IL10RB: variants seen among roughly 807,000 people sequenced by gnomAD.
IL10RB encodes the protein interleukin-10 receptor subunit beta.
Under a neutral mutation model 38.7 loss-of-function variants are expected in IL10RB, and 30 were observed. That is an observed-to-expected ratio of 0.78 (90% CI 0.58 to 1.05). The LOEUF (loss-of-function observed/expected upper bound fraction) is 1.05. IL10RB is among the 50% of genes least tolerant of loss of function. IL10RB has a pLI of 0.00. For synonymous variants in IL10RB, 142 were observed against 145.9 expected (o/e 0.97, Z 0.19); for missense variants, 328 against 397.1 (o/e 0.83, Z 1.48).
At chr21:33,298,498 C>T (rs2082976580), downstream of IL10RB, among the ~76,000 whole-genome samples, 1 of 152,060 alleles carries the variant, frequency 6.6e-6, no homozygotes, top group Admixed American at 6.6e-5. Flanking sequence ...CCTGTAATCC[C>T]AGCTATTTGG....
intron 1 of IL10RB, 93 bp downstream of exon 1, chr21:33,266,607 C>CT (rs948325109): frequency 7.7e-6 from 10 of 1,301,638 alleles, no homozygotes; most frequent in Non-Finnish European, 2.1e-6. Context: ...CTGCAAGTGA[C>CT]TTAAGAGCCT....
chr21:33,277,017 G>C (rs1159697842), intron 3 of IL10RB, among the ~76,000 whole-genome samples: 1 of 149,138 alleles, frequency 6.7e-6, no homozygotes, highest in African/African-American at 2.5e-5. Flanking sequence ...GTTGGGGCCC[G>C]TGCTGTTGAG....
chr21:33,272,823 C>A (rs923959871), intron 2 of IL10RB, among the ~76,000 whole-genome samples: 2 of 152,170 alleles, frequency 1.3e-5, no homozygotes, highest in Non-Finnish European at 2.9e-5. Context: ...TTGGCTGTTG[C>A]GAGCTTAGAT....
intron 1 of IL10RB, among the ~76,000 whole-genome samples, chr21:33,306,483 G>A (rs560926090): frequency 3.3e-5 from 5 of 151,998 alleles, no homozygotes; most frequent in Non-Finnish European, 7.4e-5. Context: ...TTAAATACTC[G>A]AGGAACCCTA....
At chr21:33,308,589 T>G (rs1312429576) in intron 1 of IL10RB, 2 of 152,192 alleles carry the variant, frequency 1.3e-5, no homozygotes, top group African/African-American at 2.4e-5. Context: ...AGATACAATA[T>G]AATCACATGG....
chr21:33,283,031 A>G, intron 4 of IL10RB, 63 bp from the exon 5 acceptor site: 3 of 1,280,868 alleles, frequency 2.3e-6, no homozygotes, highest in South Asian at 2.5e-5. Context: ...ATAAATGTGA[A>G]AAAAAAAAAG....
At chr21:33,266,537 G>A in intron 1 of IL10RB, 23 bp downstream of exon 1, 1 of 1,540,352 alleles carries the variant, frequency 6.5e-7, no homozygotes. Flanking sequence ...CGGGGAGGGG[G>A]CGCGCTTGGG....
At chr21:33,301,865 G>A (rs1017693823), downstream of IL10RB, among the ~76,000 whole-genome samples, 1 of 152,158 alleles carries the variant, frequency 6.6e-6, no homozygotes, top group Non-Finnish European at 1.5e-5. Flanking sequence ...AACCCAAGTG[G>A]TCTGGCTCCA....
chr21:33,301,257 T>A (rs1410387186), downstream of IL10RB, among the ~76,000 whole-genome samples: 1 of 152,188 alleles, frequency 6.6e-6, no homozygotes, highest in Non-Finnish European at 1.5e-5. Context: ...ATGATTTTTC[T>A]CCCTGAGTCA....
At chr21:33,297,696 C>A (rs746253450), downstream of IL10RB, among the ~76,000 whole-genome samples, 44 of 152,080 alleles carry the variant, frequency 2.9e-4, no homozygotes, top group Middle Eastern at 6.8e-3. Flanking sequence ...GTCTGTAGTC[C>A]CAGCTACTCA....
chr21:33,284,311 AAG>A lies in IL10RB; in HGVS notation c.646+1072_646+1073del, dbSNP rs1224693338. Among the ~76,000 whole-genome samples, 102 of 149,314 alleles carry A rather than the reference AAG, an allele frequency of 6.8e-4. 2 individuals carry two copies. Among genetic ancestry groups the A allele is most frequent in the South Asian group, 1.3e-3 (6 of 4,732 alleles). ...GACCCTGCCTCAAAAAAAAAAAAAA[AAG>A]AAAAGAAAACATTTCAAATAGCTTG... On this transcript the variant is annotated intron_variant, in intron 5 of 6. Coordinates refer to ENST00000290200, the MANE Select transcript of IL10RB (RefSeq NM_000628.5).
chr21:33,292,463 G>A (rs1573463), intron 6 of IL10RB, among the ~76,000 whole-genome samples: 4 of 152,080 alleles, frequency 2.6e-5, no homozygotes, highest in Admixed American at 1.3e-4. Context: ...GACACGGTGC[G>A]ACAGGGGTAG....
At chr21:33,294,673 A>G (rs530106127) in intron 6 of IL10RB, among the ~76,000 whole-genome samples, 1 of 152,270 alleles carries the variant, frequency 6.6e-6, no homozygotes, top group South Asian at 2.1e-4. Flanking sequence ...TAGTGGAGCT[A>G]CCCTCAGGTT....
At chr21:33,292,333 C>G (rs1989505360) in intron 6 of IL10RB, among the ~76,000 whole-genome samples, 1 of 152,246 alleles carries the variant, frequency 6.6e-6, no homozygotes, top group South Asian at 2.1e-4. Context: ...CAGCGGGCCA[C>G]TTTCGGTGTG....
downstream of IL10RB, among the ~76,000 whole-genome samples, chr21:33,300,910 C>G (rs1250191577): frequency 5.9e-5 from 9 of 152,312 alleles, no homozygotes; most frequent in African/African-American, 1.7e-4. Context: ...TGTTTTAAAC[C>G]ACCCAGCTTG....
intron 6 of IL10RB, among the ~76,000 whole-genome samples, chr21:33,291,376 C>T (rs768161996): frequency 4.1e-4 from 62 of 152,134 alleles, no homozygotes; most frequent in Non-Finnish European, 7.8e-4. Context: ...AGTGATTCTC[C>T]TGCCTCAGCC....
intron 1 of IL10RB, 169 bp from the exon 2 acceptor site, chr21:33,268,225 A>C: frequency 6.6e-7 from 1 of 1,524,944 alleles, no homozygotes; most frequent in Non-Finnish European, 8.8e-7. Flanking sequence ...ACGGCTGTTC[A>C]AAGAAAATCT....
At chr21:33,285,070 A>C (rs1222375752) in intron 5 of IL10RB, among the ~76,000 whole-genome samples, 1 of 151,952 alleles carries the variant, frequency 6.6e-6, no homozygotes, top group African/African-American at 2.4e-5. Context: ...TTTTATTTTT[A>C]GTAGAGAGTG....
chr21:33,289,063 G>A (rs774967247), intron 6 of IL10RB, among the ~76,000 whole-genome samples: 6 of 152,256 alleles, frequency 3.9e-5, no homozygotes, highest in Non-Finnish European at 7.3e-5. Flanking sequence ...CCAATCCCAT[G>A]TGGCCTCTCG....
Sources: gnomAD v4.1 joint callset for allele counts (sites outside exome capture counted in the v4.1 genomes callset) on GRCh38, gnomAD v4.1.1 for gene constraint, MANE v1.5 for transcripts, NCBI Gene and HGNC (gene_info 2026-07-23, HGNC 2026-07-21) for gene names.